The following CDH18 variants were observed in gnomAD, a reference collection of about 807,000 sequenced individuals.
The protein encoded by CDH18 is cadherin 18.
CDH18 carries 31 observed loss-of-function variants against 67.9 expected under a neutral mutation model. That is an observed-to-expected ratio of 0.46 (90% confidence interval 0.34 to 0.62). The LOEUF (loss-of-function observed/expected upper bound fraction) is 0.62. CDH18 is among the 20% of genes least tolerant of loss of function. CDH18 has a pLI of 0.01. For synonymous variants in CDH18, 362 were observed against 347.2 expected (o/e 1.04, Z -0.48); for missense variants, 890 against 975.5 (o/e 0.91, Z 1.17).
chr5:19,806,681 C>A (rs1397258231), intron 3 of CDH18, among the ~76,000 whole-genome samples: 2 of 152,114 alleles, frequency 1.3e-5, no homozygotes, highest in African/African-American at 2.4e-5. Context: ...ATTGTCACTT[C>A]AATCATTATG....
At chr5:20,480,418 T>G (rs71610663) in intron 1 of CDH18, among the ~76,000 whole-genome samples, 1 of 152,084 alleles carries the variant, frequency 6.6e-6, no homozygotes, top group Non-Finnish European at 1.5e-5. Flanking sequence ...AGAGTCTTTT[T>G]GTTTTTGTTT....
At chr5:20,510,793 G>A (rs1754985119) in intron 1 of CDH18, among the ~76,000 whole-genome samples, 1 of 152,162 alleles carries the variant, frequency 6.6e-6, no homozygotes, top group South Asian at 2.1e-4. Flanking sequence ...GAAATGACAT[G>A]TTGGATGGTG....
chr5:20,385,893 T>C (rs549078453), intron 1 of CDH18, among the ~76,000 whole-genome samples: 24 of 152,214 alleles, frequency 1.6e-4, no homozygotes, highest in Non-Finnish European at 2.8e-4. Flanking sequence ...GTTTTACTTC[T>C]AATGATAAAG....
At chr5:20,049,430 T>G (rs1741213834) in intron 2 of CDH18, among the ~76,000 whole-genome samples, 1 of 88,482 alleles carries the variant, frequency 1.1e-5, no homozygotes, top group Non-Finnish European at 3.0e-5. Flanking sequence ...GGTAACAAAA[T>G]AATCTATACA....
At chr5:20,157,414 T>C (rs1341917910) in intron 2 of CDH18, among the ~76,000 whole-genome samples, 2 of 152,186 alleles carry the variant, frequency 1.3e-5, no homozygotes, top group Non-Finnish European at 2.9e-5. Context: ...TTTAAATGTT[T>C]GCTATGAGTG....
rs369782127 is a variant in CDH18, at chr5:20,496,246, G to A, written c.-580+79216C>T. Among the ~76,000 whole-genome samples, 13 of 152,142 alleles carry A rather than the reference G, an allele frequency of 8.5e-5. 1 individual carries two copies. The East Asian group carries it at 1.4e-3, about 16-fold the overall frequency. On this transcript the variant is annotated intron_variant, in intron 1 of 14. Coordinates refer to the CDH18 transcript ENST00000507958. ...CCTGGGTAAAATAAACAAGTTACTA[G>A]GAAAGGGGAAACAATTTATCTTTAG... is the stretch of plus-strand genomic sequence containing the variant.
chr5:20,388,964 A>C (rs1057492352), intron 1 of CDH18, among the ~76,000 whole-genome samples: 1 of 152,130 alleles, frequency 6.6e-6, no homozygotes, highest in Middle Eastern at 3.2e-3. Context: ...GGAGTGCTTT[A>C]CTTCCAACTA....
chr5:19,502,246 AT>A (rs1162379837), intron 11 of CDH18, among the ~76,000 whole-genome samples: 3 of 152,196 alleles, frequency 2.0e-5, no homozygotes, highest in Non-Finnish European at 4.4e-5. Context: ...ATAGCAGCAT[AT>A]TCAGATAAAC....
intron 2 of CDH18, among the ~76,000 whole-genome samples, chr5:19,972,664 T>C (rs1027411379): frequency 2.6e-5 from 4 of 151,996 alleles, no homozygotes; most frequent in Non-Finnish European, 4.4e-5. Flanking sequence ...ATATATCTCA[T>C]AATGGTGTAG....
chr5:20,448,599 C>T (rs1390781174), intron 1 of CDH18, among the ~76,000 whole-genome samples: 1 of 151,962 alleles, frequency 6.6e-6, no homozygotes, highest in Admixed American at 6.6e-5. Flanking sequence ...TGCTTGGTAC[C>T]TCTCAGATAC....
chr5:20,359,341 A>G (rs1426978840), intron 1 of CDH18, among the ~76,000 whole-genome samples: 1 of 152,204 alleles, frequency 6.6e-6, no homozygotes, highest in African/African-American at 2.4e-5. Flanking sequence ...TGTTGCTAAT[A>G]ATGAAGCAAT....
At chr5:19,801,612 C>A (rs575614030) in intron 3 of CDH18, among the ~76,000 whole-genome samples, 23 of 152,292 alleles carry the variant, frequency 1.5e-4, no homozygotes, top group Non-Finnish European at 2.6e-4. Context: ...AAACAACAGA[C>A]ACATACTTTA....
chr5:19,554,792 T>C (rs2127167108), intron 8 of CDH18, among the ~76,000 whole-genome samples: 1 of 152,014 alleles, frequency 6.6e-6, no homozygotes, highest in Admixed American at 6.5e-5. Flanking sequence ...TTTTTAGAGG[T>C]CTTCTATATC....
At chr5:19,823,088 G>A (rs1003033775) in intron 3 of CDH18, among the ~76,000 whole-genome samples, 1 of 152,162 alleles carries the variant, frequency 6.6e-6, no homozygotes, top group Non-Finnish European at 1.5e-5. Flanking sequence ...GCTCACCGGC[G>A]GTCAGAGTTT....
At chr5:19,940,211 A>C (rs968982534) in intron 2 of CDH18, among the ~76,000 whole-genome samples, 1 of 151,514 alleles carries the variant, frequency 6.6e-6, no homozygotes, top group African/African-American at 2.4e-5. Flanking sequence ...ATTACTGAGA[A>C]TATTAAAGAT....
chr5:19,968,143 A>C (rs1797649717), intron 2 of CDH18, among the ~76,000 whole-genome samples: 2 of 152,102 alleles, frequency 1.3e-5, no homozygotes, highest in South Asian at 4.1e-4. Context: ...AGGGACGTGA[A>C]GGACCTCTTC....
chr5:20,267,498 G>A (rs1054829231), intron 1 of CDH18, among the ~76,000 whole-genome samples: 1 of 151,996 alleles, frequency 6.6e-6, no homozygotes, highest in African/African-American at 2.4e-5. Flanking sequence ...GATAGGGATT[G>A]TATTGAATCT....
At chr5:20,082,019 G>A (rs1744520959) in intron 2 of CDH18, among the ~76,000 whole-genome samples, 1 of 152,044 alleles carries the variant, frequency 6.6e-6, no homozygotes, top group Admixed American at 6.6e-5. Flanking sequence ...CTATATATAT[G>A]CAGTATGTTT....
chr5:19,733,367 G>C (rs1334227116), intron 4 of CDH18, among the ~76,000 whole-genome samples: 2 of 152,086 alleles, frequency 1.3e-5, no homozygotes, highest in African/African-American at 4.8e-5. Context: ...CTCTTGAATG[G>C]ATCAGTACAT....
Sources: gnomAD v4.1 joint callset for allele counts (sites outside exome capture counted in the v4.1 genomes callset) on GRCh38, gnomAD v4.1.1 for gene constraint, MANE v1.5 for transcripts, NCBI Gene and HGNC (gene_info 2026-07-23, HGNC 2026-07-21) for gene names.